The following IL16 variants were observed in gnomAD, a reference collection of about 807,000 sequenced individuals.
IL16 encodes the protein interleukin 16.
In IL16, 67 loss-of-function variants were observed where a neutral mutation model predicts 110.1. The observed-to-expected ratio is 0.61, with a 90% CI of 0.50 to 0.75. The LOEUF is 0.75. Ranked by LOEUF, IL16 falls within the 30% of genes least tolerant of loss-of-function variation. The pLI is 0.00. For synonymous variants in IL16, 689 were observed against 662.9 expected (o/e 1.04, Z -0.61); for missense variants, 1,545 against 1,655.0 (o/e 0.93, Z 1.15).
At chr15:81,215,650 G>A (rs1314765854) in intron 1 of IL16, among the ~76,000 whole-genome samples, 2 of 152,192 alleles carry the variant, frequency 1.3e-5, no homozygotes, top group Non-Finnish European at 2.9e-5. Flanking sequence ...CTCTGGGAAA[G>A]GCTGTAACAG....
upstream of IL16, among the ~76,000 whole-genome samples, chr15:81,192,450 A>G (rs967756447): frequency 6.6e-6 from 1 of 152,086 alleles, no homozygotes; most frequent in African/African-American, 2.4e-5. Context: ...AAAAAAAGAA[A>G]AAAGAAAAAA....
At chr15:81,186,011 A>C (rs1895413734) in intron 1 of IL16, among the ~76,000 whole-genome samples, 1 of 152,208 alleles carries the variant, frequency 6.6e-6, no homozygotes, top group Non-Finnish European at 1.5e-5. Context: ...TAAGGGAATA[A>C]GATCTTTTTG....
chr15:81,185,379 C>G (rs984181340), intron 1 of IL16, among the ~76,000 whole-genome samples: 3 of 128,944 alleles, frequency 2.3e-5, no homozygotes, highest in Non-Finnish European at 4.7e-5. Context: ...TTTTTTTTGA[C>G]AGGATCTCAT....
chr15:81,202,342 G>T (rs566142120), intron 1 of IL16, among the ~76,000 whole-genome samples: 28 of 152,242 alleles, frequency 1.8e-4, no homozygotes, highest in African/African-American at 6.7e-4. Context: ...CAGCTTTGGG[G>T]GTCTGTATTG....
intron 1 of IL16, among the ~76,000 whole-genome samples, 166 bp from the exon 2 acceptor site, chr15:81,225,133 C>G (rs1567004705): frequency 2.0e-5 from 3 of 152,110 alleles, no homozygotes; most frequent in Non-Finnish European, 4.4e-5. Flanking sequence ...TAACTGAGCC[C>G]CATTTGGCTG....
chr15:81,198,894 C>A (rs1424263631), intron 1 of IL16, among the ~76,000 whole-genome samples: 1 of 150,740 alleles, frequency 6.6e-6, no homozygotes, highest in African/African-American at 2.5e-5. Flanking sequence ...GAGGCACATG[C>A]CTGTAATCCC....
rs375423756 is a variant in IL16, at chr15:81,281,110, GC to G, written c.1081+1337del. Among the ~76,000 whole-genome samples, 9 of 152,282 alleles carry G rather than the reference GC, an allele frequency of 5.9e-5. No individual in the cohort carries two copies. The East Asian group carries it at 1.7e-3, about 29-fold the overall frequency. On this transcript the variant is annotated intron_variant, in intron 8 of 18. Coordinates refer to ENST00000683961, the MANE Select transcript of IL16 (RefSeq NM_172217.5). ...TGACGCCCATTAGACTGAAAAACTT[GC>G]TCTAGTCAGGACACCTGGGCTGTGG... is the stretch of plus-strand genomic sequence containing the variant.
intron 3 of IL16, among the ~76,000 whole-genome samples, chr15:81,262,457 G>A (rs566677113): frequency 5.9e-5 from 9 of 151,320 alleles, no homozygotes; most frequent in African/African-American, 1.9e-4. Flanking sequence ...TTTATTTTTG[G>A]TGTTTGATAT....
chr15:81,278,173 C>T (rs1040313644), intron 6 of IL16, among the ~76,000 whole-genome samples: 2 of 152,120 alleles, frequency 1.3e-5, no homozygotes, highest in African/African-American at 4.8e-5. Context: ...ATCCACTGAG[C>T]AATCTGTAGA....
At chr15:81,201,722 A>G (rs1895821648) in intron 1 of IL16, among the ~76,000 whole-genome samples, 1 of 152,158 alleles carries the variant, frequency 6.6e-6, no homozygotes, top group Non-Finnish European at 1.5e-5. Flanking sequence ...AAAATGCTGT[A>G]ATTAGTAAAA....
chr15:81,293,262 C>T (rs1432334878), intron 12 of IL16, among the ~76,000 whole-genome samples: 2 of 152,192 alleles, frequency 1.3e-5, no homozygotes, highest in Non-Finnish European at 2.9e-5. Context: ...ATCTGGGTTC[C>T]CACCCATAAC....
chr15:81,207,624 G>GT (rs1397217400), intron 1 of IL16, among the ~76,000 whole-genome samples: 3 of 151,908 alleles, frequency 2.0e-5, no homozygotes, highest in Non-Finnish European at 1.5e-5. Context: ...GAAGTATTCG[G>GT]TTTTTTGTTT....
intron 3 of IL16, among the ~76,000 whole-genome samples, chr15:81,261,297 A>G (rs1898145325): frequency 6.6e-6 from 1 of 152,228 alleles, no homozygotes; most frequent in Non-Finnish European, 1.5e-5. Context: ...TGTGCAGGCC[A>G]CGTGCCCCTG....
intron 1 of IL16, among the ~76,000 whole-genome samples, chr15:81,208,530 G>A (rs78085347): frequency 0.02 from 3,065 of 152,228 alleles, 73 homozygotes; most frequent in East Asian, 0.13. Flanking sequence ...GGGTTTCACC[G>A]TGTTGGCTGA....
chr15:81,269,109 G>A (rs1898517278), intron 4 of IL16, among the ~76,000 whole-genome samples: 1 of 152,240 alleles, frequency 6.6e-6, no homozygotes, highest in African/African-American at 2.4e-5. Context: ...CCGCCCCCTT[G>A]CCCACCACCT....
upstream of IL16, chr15:81,196,776 T>G: frequency 3.0e-6 from 3 of 996,850 alleles, no homozygotes; most frequent in Non-Finnish European, 3.7e-6. Context: ...GAGGCTGAGC[T>G]TCTCAGCACT....
intron 1 of IL16, among the ~76,000 whole-genome samples, chr15:81,218,619 G>T (rs569250233): frequency 6.6e-6 from 1 of 152,254 alleles, no homozygotes; most frequent in East Asian, 1.9e-4. Flanking sequence ...AGGAAATTAC[G>T]CAGAAAGGAA....
chr15:81,205,515 AAATG>A (rs1338785046), intron 1 of IL16, among the ~76,000 whole-genome samples: 1 of 152,174 alleles, frequency 6.6e-6, no homozygotes, highest in African/African-American at 2.4e-5. Flanking sequence ...ATATCAAATA[AAATG>A]AATGAAACCT....
chr15:81,187,360 G>A (rs969838586), intron 1 of IL16, among the ~76,000 whole-genome samples: 2 of 152,144 alleles, frequency 1.3e-5, no homozygotes, highest in Admixed American at 6.5e-5. Context: ...CACTTTTGTA[G>A]GCTGAGTAGG....
Sources: allele counts gnomAD v4.1 joint callset (sites outside exome capture counted in the v4.1 genomes callset), GRCh38; gene constraint gnomAD v4.1.1; transcripts MANE v1.5; gene names NCBI Gene and HGNC (gene_info 2026-07-23, HGNC 2026-07-21).